Variants in SLC16A12 observed in about 807,000 individuals in gnomAD.
SLC16A12 encodes monocarboxylate transporter 12.
SLC16A12 carries 17 observed loss-of-function variants against 42.4 expected under a neutral mutation model. That is an observed-to-expected ratio of 0.40 (90% CI 0.27 to 0.60). The LOEUF (loss-of-function observed/expected upper bound fraction) is 0.60. Ranked by LOEUF, SLC16A12 falls within the 20% of genes least tolerant of loss-of-function variation. SLC16A12 has a pLI of 0.42. For synonymous variants in SLC16A12, 224 were observed against 229.4 expected (o/e 0.98, Z 0.21); for missense variants, 544 against 623.0 (o/e 0.87, Z 1.35).
chr10:89,525,220 CAAAAA>C (rs869295721), intron 2 of SLC16A12, among the ~76,000 whole-genome samples: 1 of 64,642 alleles, frequency 1.5e-5, no homozygotes, highest in African/African-American at 5.4e-5. Flanking sequence ...GACACCATAT[CAAAAA>C]AAAAAAAAAA....
rs144059370 is a variant in SLC16A12 at position 89,474,861 on chromosome 10, T to C, written c.-46-12237A>G. On this transcript the variant is annotated intron_variant, in intron 2 of 7. Transcript: ENST00000371790. ...TATAATCTCCATTTTACAGACAAAG[T>C]AAGGAATGCTCTATCCAAGATTCTA... 3.1e-3 allele frequency among the ~76,000 whole-genome samples: 478 copies of C among 152,296 alleles called. 4 individuals carry two copies. The highest frequency in any genetic ancestry group is 0.011 in the African/African-American group (451 of 41,560).
chr10:89,501,948 T>A (rs546341134), intron 2 of SLC16A12, among the ~76,000 whole-genome samples: 57 of 152,304 alleles, frequency 3.7e-4, no homozygotes, highest in African/African-American at 1.4e-3. Flanking sequence ...ACATATATTT[T>A]AAAAATTCCC....
rs974581399 is a variant in SLC16A12 at position 89,430,873 on chromosome 10, A to G, written c.*2191T>C. 8.3e-6 allele frequency: 3 copies of G among 361,802 alleles called. No individual in the cohort carries two copies. The Admixed American group carries it at 1.2e-4, about 15-fold the overall frequency. The allele number at this position is 361,802 out of a possible 1,614,324, so 22.4% of individuals were successfully genotyped here. Reference sequence around the variant, plus strand: ...GATCATGATAAAAAATATGTATAAGAATATTTGTAACTATTCATATTTTTA... The same window carrying G: ...GATCATGATAAAAAATATGTATAAGGATATTTGTAACTATTCATATTTTTA... On this transcript the variant is annotated 3_prime_UTR_variant, in exon 8 of 8. Transcript: ENST00000371790.
At chr10:89,443,427 T>A (rs1841947437) in intron 4 of SLC16A12, among the ~76,000 whole-genome samples, 1 of 152,210 alleles carries the variant, frequency 6.6e-6, no homozygotes, top group Admixed American at 6.5e-5. Flanking sequence ...AAGCCAAGCA[T>A]ATACTATAAA....
intron 3 of SLC16A12, among the ~76,000 whole-genome samples, chr10:89,457,025 T>C (rs894448213): frequency 6.6e-6 from 1 of 152,230 alleles, no homozygotes; most frequent in Non-Finnish European, 1.5e-5. Context: ...TACGTGTGCA[T>C]ATATCTTTAT....
chr10:89,435,760 A>G (rs1841771523), intron 7 of SLC16A12, among the ~76,000 whole-genome samples: 1 of 152,040 alleles, frequency 6.6e-6, no homozygotes, highest in African/African-American at 2.4e-5. Flanking sequence ...CTACTTATTT[A>G]TAAGGCTGAA....
intron 3 of SLC16A12, among the ~76,000 whole-genome samples, chr10:89,459,700 A>G (rs1252373936): frequency 6.6e-6 from 1 of 152,080 alleles, no homozygotes; most frequent in Admixed American, 6.6e-5. Flanking sequence ...TAGCACTTGG[A>G]GAGGCTGAGG....
At chr10:89,507,542 C>T (rs1843083989) in intron 2 of SLC16A12, among the ~76,000 whole-genome samples, 7 of 152,166 alleles carry the variant, frequency 4.6e-5, no homozygotes, top group Admixed American at 4.6e-4. Context: ...TTTGTCATCA[C>T]CAGGCCTGCC....
chr10:89,498,207 G>A (rs1255668575), intron 2 of SLC16A12, among the ~76,000 whole-genome samples: 1 of 152,102 alleles, frequency 6.6e-6, no homozygotes. Context: ...GAGGTGGGTA[G>A]GGTAGGGGTG....
intron 3 of SLC16A12, among the ~76,000 whole-genome samples, chr10:89,452,709 G>A (rs1278243053): frequency 6.6e-6 from 1 of 152,172 alleles, no homozygotes; most frequent in Non-Finnish European, 1.5e-5. Context: ...ATGAAGTTTG[G>A]CATGCAGGGC....
At chr10:89,524,493 G>A (rs772322115) in intron 2 of SLC16A12, among the ~76,000 whole-genome samples, 18 of 152,090 alleles carry the variant, frequency 1.2e-4, no homozygotes, top group Non-Finnish European at 2.2e-4. Flanking sequence ...CCACCTCAGC[G>A]CTTTTGCACC....
chr10:89,488,547 G>A (rs1233543837), intron 2 of SLC16A12, among the ~76,000 whole-genome samples: 1 of 152,180 alleles, frequency 6.6e-6, no homozygotes, highest in Non-Finnish European at 1.5e-5. Flanking sequence ...TAGGCTATGG[G>A]AGAGGTTCAG....
At chr10:89,553,887 T>C (rs561764479) in intron 2 of SLC16A12, among the ~76,000 whole-genome samples, 7 of 151,564 alleles carry the variant, frequency 4.6e-5, no homozygotes, top group African/African-American at 1.7e-4. Flanking sequence ...TCGCAGCTAC[T>C]TGGGAGGCTG....
intron 2 of SLC16A12, among the ~76,000 whole-genome samples, chr10:89,478,087 A>T (rs941269571): frequency 6.6e-6 from 1 of 152,230 alleles, no homozygotes; most frequent in African/African-American, 2.4e-5. Context: ...TACATCAAGT[A>T]GAACTTAATA....
At chr10:89,477,513 G>A (rs1473402541) in intron 2 of SLC16A12, among the ~76,000 whole-genome samples, 3 of 142,598 alleles carry the variant, frequency 2.1e-5, no homozygotes, top group African/African-American at 7.9e-5. Flanking sequence ...GCGTTGAGCC[G>A]AGATTGTGCC....
intron 2 of SLC16A12, among the ~76,000 whole-genome samples, chr10:89,483,765 A>C (rs1417027505): frequency 6.6e-6 from 1 of 151,726 alleles, no homozygotes; most frequent in Non-Finnish European, 1.5e-5. Context: ...AAAAAAAAAA[A>C]AACGGAAGAA....
At chr10:89,449,436 G>A (rs973776650) in intron 3 of SLC16A12, among the ~76,000 whole-genome samples, 5 of 152,066 alleles carry the variant, frequency 3.3e-5, no homozygotes, top group Non-Finnish European at 7.4e-5. Flanking sequence ...CAGAACAGAG[G>A]CCTCAGAAAT....
intron 2 of SLC16A12, among the ~76,000 whole-genome samples, chr10:89,511,036 T>C (rs1257156771): frequency 6.6e-6 from 1 of 152,142 alleles, no homozygotes; most frequent in Non-Finnish European, 1.5e-5. Context: ...TGAGATACCA[T>C]CTCACACCAG....
chr10:89,556,020 A>G (rs1224241895), intron 1 of SLC16A12: 2 of 152,074 alleles, frequency 1.3e-5, no homozygotes, highest in Non-Finnish European at 2.9e-5. Context: ...CAGTTAAATT[A>G]TCAAACACAG....
Sources: allele counts gnomAD v4.1 joint callset (sites outside exome capture counted in the v4.1 genomes callset), GRCh38; gene constraint gnomAD v4.1.1; transcripts MANE v1.5; gene names NCBI Gene and HGNC (gene_info 2026-07-23, HGNC 2026-07-21).